Variants in ZHX2 observed in about 807,000 individuals in gnomAD.
ZHX2 encodes zinc fingers and homeoboxes 2, also known as zinc fingers and homeoboxes protein 2.
ZHX2 carries 6 observed loss-of-function variants against 21.9 expected under a neutral mutation model. That is an observed-to-expected ratio of 0.27 (90% CI 0.15 to 0.54). ZHX2 has a LOEUF of 0.54. ZHX2 is among the 20% of genes least tolerant of loss of function. The pLI, the probability that ZHX2 is intolerant of heterozygous loss-of-function variation, is 0.95. For missense variants in ZHX2, 908 were observed against 1,090.7 expected (o/e 0.83, Z 2.36); for synonymous variants, 434 against 437.1 (o/e 0.99, Z 0.09).
At chr8:122,944,891 A>C (rs1482300387) in intron 2 of ZHX2, among the ~76,000 whole-genome samples, 3 of 152,166 alleles carry the variant, frequency 2.0e-5, no homozygotes, top group African/African-American at 7.2e-5. Flanking sequence ...AATTACCCTA[A>C]CTCCAAGGTT....
At chr8:122,786,723 AC>A (rs1817403508) in intron 1 of ZHX2, among the ~76,000 whole-genome samples, 1 of 124,738 alleles carries the variant, frequency 8.0e-6, no homozygotes, top group Non-Finnish European at 1.7e-5. Context: ...GCCTCCCCCC[AC>A]CCCCAGTACA....
At chr8:122,884,620 C>T (rs1415524896) in intron 2 of ZHX2, among the ~76,000 whole-genome samples, 2 of 152,200 alleles carry the variant, frequency 1.3e-5, no homozygotes, top group African/African-American at 2.4e-5. Flanking sequence ...CAGCAACTCC[C>T]GCAAGTATCG....
At chr8:122,927,395 C>T (rs34500989) in intron 2 of ZHX2, among the ~76,000 whole-genome samples, 46,200 of 151,870 alleles carry the variant, frequency 0.3, 8,056 homozygotes, top group African/African-American at 0.48. Flanking sequence ...CTTGGGAGGC[C>T]GAGGCAGGAG....
rs1182984546 is a variant in ZHX2 at position 122,875,153 on chromosome 8, A to T, written c.-220+11614A>T. Among the ~76,000 whole-genome samples the T allele has an allele frequency of 2.1e-3, 18 of 8,634 alleles. 2 individuals carry two copies. The highest frequency in any genetic ancestry group is 0.018 in the Admixed American group (13 of 714). The allele number at this position is 8,634 out of a possible 152,430, so 5.7% of individuals were successfully genotyped here. On this transcript the variant is annotated intron_variant, in intron 2 of 3. Coordinates refer to ENST00000314393, the MANE Select transcript of ZHX2 (RefSeq NM_014943.5). The stretch of plus-strand genomic sequence containing the variant: ...GTTATATATATATATATATATATAT[A>T]TATATATATATATATATATATATAT...
At chr8:122,801,190 A>G (rs995048995) in intron 1 of ZHX2, among the ~76,000 whole-genome samples, 2 of 152,226 alleles carry the variant, frequency 1.3e-5, no homozygotes, top group Non-Finnish European at 2.9e-5. Context: ...GGTTCACAGA[A>G]AGAGACCATT....
chr8:122,874,404 C>T (rs895680173), intron 2 of ZHX2, among the ~76,000 whole-genome samples: 3 of 152,208 alleles, frequency 2.0e-5, no homozygotes, highest in East Asian at 3.9e-4. Flanking sequence ...ACAATCTCAG[C>T]TTACTGCAAC....
At chr8:122,967,743 A>T (rs1341055314) in intron 3 of ZHX2, among the ~76,000 whole-genome samples, 1 of 152,170 alleles carries the variant, frequency 6.6e-6, no homozygotes, top group Non-Finnish European at 1.5e-5. Context: ...TTCTGTTATG[A>T]GTTGCTGTAA....
intron 2 of ZHX2, among the ~76,000 whole-genome samples, chr8:122,883,336 G>A (rs1021318682): frequency 9.2e-5 from 14 of 152,174 alleles, no homozygotes; most frequent in African/African-American, 2.4e-4. Context: ...TGGAGGAGAT[G>A]GAGGTGGGCG....
In ZHX2 at chr8:122,952,891, A is replaced by G; in HGVS notation, c.1381A>G (p.Ser461Gly). Residue 461 changes from serine to glycine, a missense_variant, in exon 3 of 4, where the codon AGC becomes GGC. By Grantham distance (56) the Ser-to-Gly change is moderately conservative. This residue lies in a region of ZHX2 where 232 missense variants were observed against 361.8 expected (regional missense o/e 0.64). Transcript: ENST00000314393. The surrounding 1 kb of genome is among the most constrained non-coding windows in gnomAD (Gnocchi z 6.9). Reference protein sequence around the residue: ...IAHLKASFLQSQFPDDAEVYR... With the variant: ...IAHLKASFLQGQFPDDAEVYR... ...ACATCTCAAGGCCAGCTTTCTCCAG[A>G]GCCAGTTCCCTGACGATGCCGAGGT... The G allele has an allele frequency of 1.2e-6, 2 of 1,614,112 alleles. No individual in the cohort carries two copies. The highest frequency in any genetic ancestry group is 1.7e-6 in the Non-Finnish European group (2 of 1,180,020).
At chr8:122,818,418 A>G (rs1818075681) in intron 1 of ZHX2, among the ~76,000 whole-genome samples, 1 of 152,106 alleles carries the variant, frequency 6.6e-6, no homozygotes. Context: ...GACACAGCGT[A>G]GTCTCAATCA....
chr8:122,884,076 A>G (rs1265695831), intron 2 of ZHX2, among the ~76,000 whole-genome samples: 1 of 152,242 alleles, frequency 6.6e-6, no homozygotes, highest in Non-Finnish European at 1.5e-5. Context: ...CTCCTAGGCT[A>G]TAGACCTGTA....
chr8:122,823,855 T>C (rs933195619), intron 1 of ZHX2, among the ~76,000 whole-genome samples: 2 of 152,230 alleles, frequency 1.3e-5, no homozygotes, highest in Non-Finnish European at 2.9e-5. Context: ...ATTTCATATT[T>C]ACCTGTTGAC....
At chr8:122,866,636 G>A (rs1819305008) in intron 2 of ZHX2, among the ~76,000 whole-genome samples, 1 of 152,100 alleles carries the variant, frequency 6.6e-6, no homozygotes, top group African/African-American at 2.4e-5. Context: ...TTCCAATTTG[G>A]GTGGGAAGAC....
chr8:122,851,579 G>A (rs1818902194), intron 1 of ZHX2, among the ~76,000 whole-genome samples: 1 of 152,200 alleles, frequency 6.6e-6, no homozygotes, highest in Non-Finnish European at 1.5e-5. Flanking sequence ...ATGAGGTGAA[G>A]GACTTTGTTT....
intron 2 of ZHX2, among the ~76,000 whole-genome samples, chr8:122,880,960 C>G (rs1819701114): frequency 6.6e-6 from 1 of 152,126 alleles, no homozygotes; most frequent in Non-Finnish European, 1.5e-5. Flanking sequence ...CAAGAAACCA[C>G]AGGAGAAAAG....
At chr8:122,924,868 T>C (rs1820815992) in intron 2 of ZHX2, among the ~76,000 whole-genome samples, 1 of 152,138 alleles carries the variant, frequency 6.6e-6, no homozygotes. Flanking sequence ...GCGGTCTCAG[T>C]TGTGTTGAGG....
chr8:122,849,016 C>T (rs373390659), intron 1 of ZHX2, among the ~76,000 whole-genome samples: 11 of 152,240 alleles, frequency 7.2e-5, no homozygotes, highest in South Asian at 4.1e-4. Context: ...GAACTAAAAC[C>T]GCCAGGTTGG....
chr8:122,879,217 G>GT (rs981749097), intron 2 of ZHX2, among the ~76,000 whole-genome samples: 18 of 151,970 alleles, frequency 1.2e-4, no homozygotes, highest in South Asian at 4.2e-4. Context: ...TTTGTTTTGG[G>GT]TTTTTTTTGA....
chr8:122,857,223 A>T (rs1351857711), intron 1 of ZHX2, among the ~76,000 whole-genome samples: 1 of 152,026 alleles, frequency 6.6e-6, no homozygotes, highest in East Asian at 1.9e-4. Context: ...CTCTAGCCTG[A>T]CTCTAAGGCC....
Sources: gnomAD v4.1 joint callset for allele counts (sites outside exome capture counted in the v4.1 genomes callset) on GRCh38, gnomAD v4.1.1 for gene constraint, gnomAD v4.1.1 regional missense constraint, Gnocchi (gnomAD v3.1) non-coding constraint, MANE v1.5 for transcripts, NCBI Gene and HGNC (gene_info 2026-07-23, HGNC 2026-07-21) for gene names.